The following MAF variants were observed in gnomAD, a reference collection of about 807,000 sequenced individuals.
MAF encodes transcription factor Maf.
A neutral mutation model predicts 22.0 loss-of-function variants in MAF; 10 were observed. That is an observed-to-expected ratio of 0.45 (90% CI 0.28 to 0.77). The LOEUF (loss-of-function observed/expected upper bound fraction) is 0.77, where lower values mean the gene tolerates loss of function less well. MAF is among the 30% of genes least tolerant of loss of function. The pLI, the probability that MAF is intolerant of heterozygous loss-of-function variation, is 0.12. For missense variants in MAF, 544 were observed against 548.4 expected, an observed-to-expected ratio of 0.99 and a Z score of 0.08; for synonymous variants, 337 against 255.8, an observed-to-expected ratio of 1.32 and a Z score of -3.03.
chr16:79,486,810 G>A, the MAF span, among the ~76,000 whole-genome samples: 1 of 152,182 alleles, frequency 6.6e-6, no homozygotes, highest in Non-Finnish European at 1.5e-5. Flanking sequence ...TTTTCACCTT[G>A]GGTGGGATAG....
At chr16:79,370,240 T>G in the MAF span, among the ~76,000 whole-genome samples, 6 of 152,164 alleles carry the variant, frequency 3.9e-5, no homozygotes, top group Admixed American at 6.5e-5. Flanking sequence ...TCAAAGGTAA[T>G]TGGTTTTTTG....
At chr16:79,429,614 A>T in the MAF span, among the ~76,000 whole-genome samples, 2 of 152,162 alleles carry the variant, frequency 1.3e-5, no homozygotes, top group African/African-American at 4.8e-5. Flanking sequence ...GTGAGCAGCA[A>T]AGTTGAGCTC....
chr16:79,492,742 A>G, the MAF span, among the ~76,000 whole-genome samples: 2 of 152,234 alleles, frequency 1.3e-5, no homozygotes, highest in African/African-American at 2.4e-5. Flanking sequence ...TCTCATAAAC[A>G]TACTCATGGG....
At chr16:79,582,933 T>C (rs893851465), downstream of MAF, among the ~76,000 whole-genome samples, 1 of 152,184 alleles carries the variant, frequency 6.6e-6, no homozygotes, top group Admixed American at 6.5e-5. Flanking sequence ...ATTTTTCAAA[T>C]AGAGGCACCA....
At chr16:79,299,422 T>G in the MAF span, among the ~76,000 whole-genome samples, 2 of 151,324 alleles carry the variant, frequency 1.3e-5, no homozygotes, top group Non-Finnish European at 2.9e-5. Flanking sequence ...CAAAGTAGGT[T>G]TCAGTCTCTA....
the MAF span, among the ~76,000 whole-genome samples, chr16:79,309,286 C>T: frequency 5.9e-5 from 9 of 152,124 alleles, no homozygotes; most frequent in East Asian, 3.9e-4. Flanking sequence ...TGCTTGCAAG[C>T]GCCTTGTTAT....
At chr16:79,558,213 G>T in the MAF span, among the ~76,000 whole-genome samples, 1 of 152,126 alleles carries the variant, frequency 6.6e-6, no homozygotes, top group Non-Finnish European at 1.5e-5. Flanking sequence ...CGGAAAGAGT[G>T]TGAAAGAGAA....
At chr16:79,340,069 T>C in the MAF span, among the ~76,000 whole-genome samples, 2 of 152,292 alleles carry the variant, frequency 1.3e-5, no homozygotes, top group East Asian at 1.9e-4. Context: ...AAAGTGCCTG[T>C]TCATCCAATT....
At chr16:79,396,047 T>C in the MAF span, among the ~76,000 whole-genome samples, 1 of 152,194 alleles carries the variant, frequency 6.6e-6, no homozygotes, top group East Asian at 1.9e-4. Flanking sequence ...ATACTGGTCA[T>C]TTTCCTACTT....
chr16:79,206,121 A>G, the MAF span: 1 of 152,132 alleles, frequency 6.6e-6, no homozygotes, highest in Non-Finnish European at 1.5e-5. Context: ...CCATGAGTAA[A>G]TCAATGGAAA....
At chr16:79,557,819 T>A in the MAF span, among the ~76,000 whole-genome samples, 9 of 152,006 alleles carry the variant, frequency 5.9e-5, no homozygotes, top group East Asian at 3.8e-4. Flanking sequence ...GAAACACAGA[T>A]GCATCCCAAT....
chr16:79,259,707 G>C, the MAF span, among the ~76,000 whole-genome samples: 1 of 152,184 alleles, frequency 6.6e-6, no homozygotes, highest in Non-Finnish European at 1.5e-5. Flanking sequence ...TTAGGGTACA[G>C]GGGGCAGGAC....
At chr16:79,493,018 G>T in the MAF span, among the ~76,000 whole-genome samples, 6 of 151,980 alleles carry the variant, frequency 3.9e-5, no homozygotes, top group Admixed American at 3.9e-4. Flanking sequence ...GAGTGCAGTG[G>T]CACAACCTCA....
chr16:79,278,513 T>C, the MAF span, among the ~76,000 whole-genome samples: 2 of 152,174 alleles, frequency 1.3e-5, no homozygotes, highest in Admixed American at 1.3e-4. Context: ...CTAAGAACCA[T>C]TTTCTCTCTT....
At chr16:79,229,785 G>A in the MAF span, among the ~76,000 whole-genome samples, 5,076 of 152,102 alleles carry the variant, frequency 0.033, 103 homozygotes, top group East Asian at 0.044. Flanking sequence ...ACTTCGAAGT[G>A]AAAGATGCGG....
the MAF span, among the ~76,000 whole-genome samples, chr16:79,309,629 C>A: frequency 1.6e-4 from 25 of 152,276 alleles, no homozygotes; most frequent in East Asian, 4.4e-3. Context: ...AATACAGATT[C>A]CATAGTGCAA....
At chr16:79,346,098 T>C in the MAF span, among the ~76,000 whole-genome samples, 3 of 152,240 alleles carry the variant, frequency 2.0e-5, no homozygotes, top group Admixed American at 6.5e-5. Context: ...TACATATGTA[T>C]ACATGTGCCA....
chr16:79,212,286 C>G, the MAF span: 6 of 1,128,866 alleles, frequency 5.3e-6, no homozygotes, highest in African/African-American at 1.6e-5. Context: ...CAAGACTGAG[C>G]CAGCTTAGCA....
At chr16:79,413,210 G>GTATTTTT in the MAF span, among the ~76,000 whole-genome samples, 1 of 63,620 alleles carries the variant, frequency 1.6e-5, no homozygotes, top group African/African-American at 5.6e-5. Flanking sequence ...GAGCTGTGCA[G>GTATTTTT]TTTTTTTTTT....
Sources: gnomAD v4.1 joint callset for allele counts (sites outside exome capture counted in the v4.1 genomes callset) on GRCh38, gnomAD v4.1.1 for gene constraint, MANE v1.5 for transcripts, NCBI Gene and HGNC (gene_info 2026-07-23, HGNC 2026-07-21) for gene names.